The following RABGAP1L variants were observed in gnomAD, a reference collection of about 807,000 sequenced individuals.
RABGAP1L encodes the protein RAB GTPase activating protein 1 like.
RABGAP1L carries 63 observed loss-of-function variants against 137.7 expected under a neutral mutation model. The ratio of observed to expected loss-of-function variants is 0.46; its 90% CI spans 0.37 to 0.56. RABGAP1L has a LOEUF of 0.56. Among genes scored for constraint, RABGAP1L ranks in the 20% least tolerant of loss-of-function variants. The pLI, the probability that RABGAP1L is intolerant of heterozygous loss-of-function variation, is 0.00. For missense variants in RABGAP1L, 1,095 were observed against 1,244.0 expected (o/e 0.88, Z 1.80); for synonymous variants, 431 against 433.7 (o/e 0.99, Z 0.08).
chr1:174,390,091 C>T (rs1210973608), intron 12 of RABGAP1L, among the ~76,000 whole-genome samples: 1 of 152,134 alleles, frequency 6.6e-6, no homozygotes, highest in Non-Finnish European at 1.5e-5. Flanking sequence ...TAGATATATA[C>T]TAGCAGCATC....
intron 10 of RABGAP1L, among the ~76,000 whole-genome samples, chr1:174,287,627 G>A (rs964968977): frequency 1.3e-5 from 2 of 151,994 alleles, no homozygotes; most frequent in African/African-American, 2.4e-5. Flanking sequence ...CGAGTAGCTG[G>A]GATTACAGGT....
chr1:174,693,915 G>A (rs1679056048), intron 15 of RABGAP1L, among the ~76,000 whole-genome samples: 1 of 152,090 alleles, frequency 6.6e-6, no homozygotes, highest in Non-Finnish European at 1.5e-5. Context: ...AGAGCAAATG[G>A]CAAATGAGAT....
At chr1:174,879,757 A>G (rs761671371) in intron 19 of RABGAP1L, among the ~76,000 whole-genome samples, 1 of 152,188 alleles carries the variant, frequency 6.6e-6, no homozygotes, top group Non-Finnish European at 1.5e-5. Flanking sequence ...AGATTTGCAA[A>G]AAGCAAAACA....
chr1:174,853,670 G>A (rs1648770400), intron 19 of RABGAP1L, among the ~76,000 whole-genome samples: 1 of 152,166 alleles, frequency 6.6e-6, no homozygotes, highest in African/African-American at 2.4e-5. Flanking sequence ...GGTGGAGGTT[G>A]CGGTGAGCCG....
chr1:174,349,549 C>A (rs537576627), intron 11 of RABGAP1L, among the ~76,000 whole-genome samples: 1,749 of 133,318 alleles, frequency 0.013, 11 homozygotes, highest in Middle Eastern at 0.043. Context: ...AGGCGCCCCT[C>A]ACCTCCCGGA....
chr1:174,396,975 C>CAAAA (rs35904728), intron 13 of RABGAP1L, among the ~76,000 whole-genome samples: 1 of 93,160 alleles, frequency 1.1e-5, no homozygotes, highest in Non-Finnish European at 2.3e-5. Flanking sequence ...GCTGTCTCTA[C>CAAAA]AAAAAAAAAA....
At chr1:174,972,407 A>G (rs555408304) in intron 21 of RABGAP1L, among the ~76,000 whole-genome samples, 2 of 152,262 alleles carry the variant, frequency 1.3e-5, no homozygotes, top group Non-Finnish European at 2.9e-5. Flanking sequence ...TGGTTGATTC[A>G]TGATTAAATC....
intron 19 of RABGAP1L, among the ~76,000 whole-genome samples, chr1:174,887,660 C>A (rs953582385): frequency 2.0e-5 from 3 of 151,882 alleles, no homozygotes; most frequent in Non-Finnish European, 4.4e-5. Context: ...AGTCCATGGA[C>A]CCCTTATCAG....
chr1:174,607,342 G>T (rs10912813), intron 13 of RABGAP1L, among the ~76,000 whole-genome samples: 88,140 of 151,954 alleles, frequency 0.58, 27,894 homozygotes, highest in African/African-American at 0.85. Context: ...TGCCAAAGTT[G>T]CCTTCAGTCT....
chr1:174,588,762 G>A (rs1432688054), intron 13 of RABGAP1L, among the ~76,000 whole-genome samples: 1 of 151,912 alleles, frequency 6.6e-6, no homozygotes, highest in Non-Finnish European at 1.5e-5. Context: ...TATCTATGTT[G>A]TTGCAAATGA....
chr1:174,461,144 G>A (rs1237159625), intron 13 of RABGAP1L, among the ~76,000 whole-genome samples: 1 of 152,114 alleles, frequency 6.6e-6, no homozygotes, highest in African/African-American at 2.4e-5. Flanking sequence ...TTTGAGAAAG[G>A]TTTCGAAATT....
intron 17 of RABGAP1L, among the ~76,000 whole-genome samples, chr1:174,749,155 G>A (rs72715292): frequency 0.22 from 31,771 of 146,360 alleles, 3,684 homozygotes; most frequent in Admixed American, 0.25. Context: ...TAGCCTGGGC[G>A]ACAGAGCAAG....
At chr1:174,230,915 T>C (rs1670594153) in intron 3 of RABGAP1L, among the ~76,000 whole-genome samples, 1 of 152,098 alleles carries the variant, frequency 6.6e-6, no homozygotes, top group South Asian at 2.1e-4. Context: ...TTTTGAGAGA[T>C]TCAAAAGTAT....
intron 13 of RABGAP1L, among the ~76,000 whole-genome samples, chr1:174,543,897 T>G (rs1401051977): frequency 1.3e-5 from 2 of 152,234 alleles, no homozygotes; most frequent in Non-Finnish European, 2.9e-5. Context: ...GAAAATTCTT[T>G]TCTTTAAGAA....
At chr1:174,169,274 C>T (rs534031703) in intron 1 of RABGAP1L, among the ~76,000 whole-genome samples, 2 of 151,726 alleles carry the variant, frequency 1.3e-5, no homozygotes, top group Admixed American at 1.3e-4. Flanking sequence ...GGCTGGAGTG[C>T]AGTGGCATGA....
intron 12 of RABGAP1L, among the ~76,000 whole-genome samples, chr1:174,383,105 G>T (rs1435554119): frequency 5.3e-5 from 8 of 151,052 alleles, no homozygotes; most frequent in African/African-American, 9.8e-5. Context: ...GCTGCTCGGG[G>T]GTCAGGGGTC....
rs532033982 is a variant in RABGAP1L, at chr1:174,602,889, A to G, written c.1711-34486A>G. Among the ~76,000 whole-genome samples the G allele has an allele frequency of 1.1e-4, 17 of 152,160 alleles. No homozygotes were observed. In the East Asian group the frequency reaches 3.3e-3, roughly 29 times the overall value. Reference sequence around the variant, plus strand: ...TTTGTTGTGCTTCTTCAAAATAGGTATTTTGAATTCTCTTGTCTGAAAAGC... The same window carrying G: ...TTTGTTGTGCTTCTTCAAAATAGGTGTTTTGAATTCTCTTGTCTGAAAAGC... On this transcript the variant is annotated intron_variant, in intron 13 of 25. Coordinates refer to ENST00000681986, the MANE Select transcript of RABGAP1L (RefSeq NM_001366446.1).
chr1:174,284,835 G>C (rs961851361), intron 10 of RABGAP1L, among the ~76,000 whole-genome samples: 1 of 144,634 alleles, frequency 6.9e-6, no homozygotes, highest in Non-Finnish European at 1.5e-5. Flanking sequence ...GGATATTCGG[G>C]TTCTATATGA....
At chr1:174,629,491 T>C (rs1463422526) in intron 13 of RABGAP1L, among the ~76,000 whole-genome samples, 1 of 152,184 alleles carries the variant, frequency 6.6e-6, no homozygotes, top group African/African-American at 2.4e-5. Flanking sequence ...GGAACACATA[T>C]GTATTAAACA....
Sources: allele counts gnomAD v4.1 joint callset (sites outside exome capture counted in the v4.1 genomes callset), GRCh38; gene constraint gnomAD v4.1.1; transcripts MANE v1.5; gene names NCBI Gene and HGNC (gene_info 2026-07-23, HGNC 2026-07-21).